The following MCF2L2 variants were observed in gnomAD, a reference collection of about 807,000 sequenced individuals.
MCF2L2 encodes the protein MCF.2 cell line derived transforming sequence-like 2.
Under a neutral mutation model 150.2 loss-of-function variants are expected in MCF2L2, and 102 were observed. The observed-to-expected ratio is 0.68, with a 90% confidence interval of 0.58 to 0.80. The LOEUF is 0.80. Among genes scored for constraint, MCF2L2 ranks in the 30% least tolerant of loss-of-function variants. The pLI, the probability that MCF2L2 is intolerant of heterozygous loss-of-function variation, is 0.00. For synonymous variants in MCF2L2, 465 were observed against 491.3 expected (o/e 0.95, Z 0.71); for missense variants, 1,256 against 1,372.8 (o/e 0.91, Z 1.34).
intron 6 of MCF2L2, among the ~76,000 whole-genome samples, chr3:183,321,151 C>G (rs1300083645): frequency 9.2e-5 from 14 of 152,114 alleles, no homozygotes; most frequent in Non-Finnish European, 2.1e-4. Flanking sequence ...ACAAATATAA[C>G]AGTTGGCCGG....
intron 5 of MCF2L2, among the ~76,000 whole-genome samples, chr3:183,331,220 C>A (rs1388973283): frequency 6.6e-6 from 1 of 152,208 alleles, no homozygotes; most frequent in Non-Finnish European, 1.5e-5. Context: ...CATACTAAAT[C>A]CTGCCTTGCT....
At chr3:183,378,056 A>G (rs1713292177) in intron 3 of MCF2L2, 1 of 152,252 alleles carries the variant, frequency 6.6e-6, no homozygotes, top group African/African-American at 2.4e-5. Context: ...AAGAAAAAAC[A>G]TATTTTTCAA....
In MCF2L2 at chr3:183,179,625, C is replaced by T. The variant is rs759199603; in HGVS notation, c.3173G>A (p.Arg1058Lys). 2 of 1,614,190 alleles carry T rather than the reference C, an allele frequency of 1.2e-6. No individual in the cohort carries two copies. The highest frequency in any genetic ancestry group is 1.7e-5 in the Admixed American group (1 of 60,028). The change falls in exon 29 of 30, where the codon AGG becomes AAG. Residue 1058 changes from arginine to lysine, a missense_variant. Arg to Lys is a conservative substitution (Grantham distance 26). Coordinates refer to ENST00000328913, the MANE Select transcript of MCF2L2 (RefSeq NM_015078.4). The surrounding 1 kb of genome is among the most constrained non-coding windows in gnomAD (Gnocchi z 4.2). ...TTTTTCTCCCTGGCTGCTTTCTCCCCTCTCCAGGAAAGCAGATTTGGAGGA... is the reference window on the plus strand; with the variant it reads ...TTTTTCTCCCTGGCTGCTTTCTCCCTTCTCCAGGAAAGCAGATTTGGAGGA... Reference protein sequence around the residue: ...TCSSKSAFLERGESSQGEKEE... With the variant: ...TCSSKSAFLEKGESSQGEKEE...
intron 1 of MCF2L2, among the ~76,000 whole-genome samples, chr3:183,402,451 C>CAAAAAAAAAAAAAAA (rs779201489): frequency 7.1e-4 from 39 of 54,764 alleles, no homozygotes; most frequent in South Asian, 9.1e-4. Context: ...GAGACTCCAT[C>CAAAAAAAAAAAAAAA]AAAAAAAAAA....
intron 1 of MCF2L2, among the ~76,000 whole-genome samples, chr3:183,421,371 T>C (rs1715874419): frequency 6.6e-6 from 1 of 152,266 alleles, no homozygotes; most frequent in Non-Finnish European, 1.5e-5. Flanking sequence ...GATTGCATAA[T>C]CTCTATCAAA....
At chr3:183,369,925 T>C (rs547498382) in intron 3 of MCF2L2, among the ~76,000 whole-genome samples, 2 of 152,378 alleles carry the variant, frequency 1.3e-5, no homozygotes, top group South Asian at 2.1e-4. Context: ...ACAAATTTTA[T>C]AGCTAATCGC....
rs768307976 is a variant in MCF2L2, at chr3:183,270,336, A to G, written c.1862+6536T>C. 6.2e-7 allele frequency: 1 copy of G among 1,614,182 alleles called. No homozygotes were observed. The highest frequency in any genetic ancestry group is 1.1e-5 in the South Asian group (1 of 91,078). ...ATTACTTATGCAGTTCAGTTGGGCA[A>G]ATACCTATTGTCCACATGCCAAATT... On this transcript the variant is annotated intron_variant, in intron 15 of 29. Coordinates refer to ENST00000328913, the MANE Select transcript of MCF2L2 (RefSeq NM_015078.4). This position sits in a 1 kb window ranked among gnomAD's most constrained non-coding sequence, Gnocchi z 4.5.
intron 4 of MCF2L2, 122 bp from the exon 5 acceptor site, chr3:183,339,041 C>A: frequency 1.1e-6 from 1 of 945,504 alleles, no homozygotes. Flanking sequence ...AAACGGATGC[C>A]ATGGATGTAA....
intron 3 of MCF2L2, among the ~76,000 whole-genome samples, chr3:183,365,962 T>C (rs1459714743): frequency 6.6e-6 from 1 of 152,004 alleles, no homozygotes; most frequent in African/African-American, 2.4e-5. Flanking sequence ...GACAATTCAG[T>C]ACATATATAT....
chr3:183,403,255 G>C (rs1008729326), intron 1 of MCF2L2, among the ~76,000 whole-genome samples: 1 of 151,312 alleles, frequency 6.6e-6, no homozygotes, highest in African/African-American at 2.4e-5. Context: ...CTGGGTAACA[G>C]TGAGACTCCG....
At chr3:183,358,407 T>C (rs1278302622) in intron 3 of MCF2L2, among the ~76,000 whole-genome samples, 4 of 152,162 alleles carry the variant, frequency 2.6e-5, no homozygotes, top group African/African-American at 9.7e-5. Flanking sequence ...TGCTCCATGC[T>C]AAAAGTGATG....
chr3:183,216,078 G>T lies in MCF2L2; in HGVS notation c.2387C>A (p.Thr796Asn), dbSNP rs146809971. The T allele has an allele frequency of 2.1e-5, 34 of 1,613,672 alleles. No homozygotes were observed. The African/African-American group carries it at 3.2e-4, about 15-fold the overall frequency. The stretch of plus-strand genomic sequence containing the variant: ...TTCAGTTGAGAATGCTGAATCTTTG[G>T]TTCTCTTTGGCCCATCCTGTGGAAA... ...GGSAKDGPKR[T>N]KDSAFSTELQ... The change falls in exon 22 of 30, where the codon ACC (threonine) becomes AAC (asparagine). Residue 796 changes from threonine (T) to asparagine (N), a missense_variant. Coordinates refer to ENST00000328913, the MANE Select transcript of MCF2L2 (RefSeq NM_015078.4).
chr3:183,219,822 A>T (rs766236645), intron 21 of MCF2L2, 34 bp downstream of exon 21: 11 of 1,364,302 alleles, frequency 8.1e-6, no homozygotes, highest in Non-Finnish European at 1.2e-5. Context: ...ATTAATAGTT[A>T]GTTATATAAA....
At chr3:183,249,953 G>GC (rs1351585616) in intron 15 of MCF2L2, among the ~76,000 whole-genome samples, 1 of 152,214 alleles carries the variant, frequency 6.6e-6, no homozygotes, top group Non-Finnish European at 1.5e-5. Context: ...TCAGAGAAGA[G>GC]CAGGGCATGG....
rs11377299 is a variant in MCF2L2 at position 183,239,461 on chromosome 3, TA to T, written c.1863-8445del. Among the ~76,000 whole-genome samples the T allele has an allele frequency of 1.7e-3, 254 of 146,240 alleles. 3 individuals carry two copies. The highest frequency in any genetic ancestry group is 2.2e-3 in the Admixed American group (32 of 14,668). On this transcript the variant is annotated intron_variant, in intron 15 of 29. Transcript: ENST00000328913. ...AGGGGCAGGAATGAAAGGAATATGC[TA>T]AAAAAAAAAAATGCAATCCTTTTTA...
rs1258871253 is a variant in MCF2L2 at position 183,305,087 on chromosome 3, C to T, written c.1113+4629G>A. 6.6e-6 allele frequency among the ~76,000 whole-genome samples: 1 copy of T among 152,138 alleles called. No homozygotes were observed. Among genetic ancestry groups the T allele is most frequent in the Non-Finnish European group, 1.5e-5 (1 of 68,018 alleles). On this transcript the variant is annotated intron_variant, in intron 10 of 29. Transcript: ENST00000328913. The surrounding 1 kb of genome is among the most constrained non-coding windows in gnomAD (Gnocchi z 4.1). ...CACAACAAACCCTTTGATACAGGTA[C>T]TGTTTTACCAAAGGGAAGTGGAGCA...
At chr3:183,387,594 G>T (rs1713904149) in intron 2 of MCF2L2, among the ~76,000 whole-genome samples, 1 of 152,166 alleles carries the variant, frequency 6.6e-6, no homozygotes, top group African/African-American at 2.4e-5. Flanking sequence ...CACTTATTCA[G>T]CAGTTGCAAT....
At chr3:183,293,478 T>C (rs535461851) in intron 13 of MCF2L2, among the ~76,000 whole-genome samples, 52 of 152,294 alleles carry the variant, frequency 3.4e-4, no homozygotes, top group African/African-American at 1.2e-3. Flanking sequence ...AGAAAAACCA[T>C]ATCATTCTCT....
intron 15 of MCF2L2, among the ~76,000 whole-genome samples, chr3:183,275,147 ATATT>A (rs1174391871): frequency 6.6e-6 from 1 of 151,896 alleles, no homozygotes; most frequent in African/African-American, 2.4e-5. Flanking sequence ...CCCCAAATTT[ATATT>A]TAGTCACATA....
Sources: allele counts gnomAD v4.1 joint callset (sites outside exome capture counted in the v4.1 genomes callset), GRCh38; gene constraint gnomAD v4.1.1; non-coding constraint Gnocchi (gnomAD v3.1); transcripts MANE v1.5; gene names NCBI Gene and HGNC (gene_info 2026-07-23, HGNC 2026-07-21).